The following ASB1 variants were observed in gnomAD, a reference collection of about 807,000 sequenced individuals.
ASB1 encodes the protein ankyrin repeat and SOCS box containing 1.
Under a neutral mutation model 27.7 loss-of-function variants are expected in ASB1, and 18 were observed. The ratio of observed to expected loss-of-function variants is 0.65; its 90% confidence interval spans 0.45 to 0.96. The LOEUF (loss-of-function observed/expected upper bound fraction) is 0.96, where lower values mean the gene tolerates loss of function less well. Ranked by LOEUF, ASB1 falls within the 50% of genes least tolerant of loss-of-function variation. The pLI, the probability that ASB1 is intolerant of heterozygous loss-of-function variation, is 0.00. For synonymous variants in ASB1, 189 were observed against 187.6 expected (o/e 1.01, Z -0.06); for missense variants, 397 against 451.7 (o/e 0.88, Z 1.10).
chr2:238,434,186 T>C (rs1701923928), intron 2 of ASB1, among the ~76,000 whole-genome samples: 1 of 152,236 alleles, frequency 6.6e-6, no homozygotes, highest in Non-Finnish European at 1.5e-5. Flanking sequence ...AGCCTTCTCC[T>C]TTCTGTTCCC....
In ASB1 at chr2:238,444,483, C is replaced by T. The variant is rs1702138971; in HGVS notation, c.636C>T (p.Leu212=). Residue 212 remains leucine (L), a synonymous_variant, in exon 4 of 5, where the codon CTC becomes CTT. Transcript: ENST00000264607. ...YHNLQCFRLL[L]LAGANPDFNC... is the part of the protein sequence containing the mutation. The stretch of plus-strand genomic sequence containing the variant: ...ACCTCCAGTGCTTCCGGCTGCTCCT[C>T]CTGGCTGGCGCGAACCCTGACTTCA... 1.2e-6 allele frequency: 2 copies of T among 1,614,104 alleles called. No individual in the cohort carries two copies. The highest frequency in any genetic ancestry group is 1.7e-5 in the Admixed American group (1 of 60,010).
intron 4 of ASB1, among the ~76,000 whole-genome samples, chr2:238,445,897 G>T (rs1226136176): frequency 2.0e-5 from 3 of 152,222 alleles, no homozygotes; most frequent in Non-Finnish European, 4.4e-5. Context: ...CGCTAATCGA[G>T]ACAGAACTTG....
Position 238,435,754 on chromosome 2 carries a change from T to G in ASB1, c.235T>G (p.Cys79Gly). Residue 79 changes from cysteine (C) to glycine (G), a missense_variant, in exon 3 of 5, where the codon TGC becomes GGC. Transcript: ENST00000264607. ...TGTCTGGTGCTGTGGCTGGCTCCCCTGCACACCGTTGCGAATCGCGGCCAC... is the reference window on the plus strand; with the variant it reads ...TGTCTGGTGCTGTGGCTGGCTCCCCGGCACACCGTTGCGAATCGCGGCCAC... The part of the protein sequence containing the change: ...KSVWCCGWLP[C>G]TPLRIAATAG... The G allele has an allele frequency of 6.2e-7, 1 of 1,614,020 alleles. No homozygotes were observed. Among genetic ancestry groups the G allele is most frequent in the South Asian group, 1.1e-5 (1 of 91,076 alleles).
In ASB1 at chr2:238,448,602, C is replaced by T. The variant is rs1032335379; in HGVS notation, c.*2091C>T. ...CTGCGTCTGCTCTACTGAGTACTTT[C>T]TGCAGGGGCCTGTTAAGGACGAGGC... On this transcript the variant is annotated 3_prime_UTR_variant, in exon 5 of 5. Transcript: ENST00000264607. The T allele has an allele frequency of 2.0e-5, 3 of 152,296 alleles. No homozygotes were observed. The highest frequency in any genetic ancestry group is 4.4e-5 in the Non-Finnish European group (3 of 68,094). 9.4% of individuals were successfully genotyped at this position (152,296 alleles called of 1,614,324 possible).
Position 238,435,660 on chromosome 2 carries a change from G to A in ASB1, c.192-51G>A, listed in dbSNP as rs112486142. 3.9e-3 allele frequency: 6,069 copies of A among 1,549,372 alleles called. 214 individuals carry two copies. The African/African-American group carries it at 0.072, about 18-fold the overall frequency. ...CAGGGTGAGGGGGGCAGTGCAGCCC[G>A]TCCCTGTCCTGCGGCTGCCTCTCAT... On this transcript the variant is annotated intron_variant, in intron 2 of 4. Transcript: ENST00000264607.
At chr2:238,429,257 TCA>T (rs1307051384) in intron 1 of ASB1, among the ~76,000 whole-genome samples, 7 of 152,336 alleles carry the variant, frequency 4.6e-5, no homozygotes, top group African/African-American at 1.7e-4. Context: ...CTGTCTGGTC[TCA>T]CACTAGGACA....
Position 238,427,097 on chromosome 2 carries a change from G to T in ASB1, c.27G>T (p.Gly9=), listed in dbSNP as rs1045801369. The part of the protein sequence containing the change: MAEGGSPD[G]RAGPGSAGRN... Reference sequence around the variant, plus strand: ...TGGCGGAGGGCGGCAGCCCAGACGGGCGGGCAGGGCCGGGCTCCGCAGGTA... The same window carrying T: ...TGGCGGAGGGCGGCAGCCCAGACGGTCGGGCAGGGCCGGGCTCCGCAGGTA... Residue 9 remains glycine (G), a synonymous_variant, in exon 1 of 5, where the codon GGG becomes GGT. Transcript: ENST00000264607. 99 of 1,261,196 alleles carry T rather than the reference G, an allele frequency of 7.8e-5. 1 individual carries two copies. The highest frequency in any genetic ancestry group is 9.5e-5 in the Non-Finnish European group (95 of 1,004,294). 78.1% of individuals were successfully genotyped at this position (1,261,196 alleles called of 1,614,324 possible).
Position 238,446,538 on chromosome 2 carries a change from T to G in ASB1, c.*27T>G. On this transcript the variant is annotated 3_prime_UTR_variant, in exon 5 of 5. Transcript: ENST00000264607. ...CTCCAAGTGCTGCGGTTGATTCCAG[T>G]GAGGGAGAAAGTGATCTGCAGGGAG... 1 of 1,611,568 alleles carries G rather than the reference T, an allele frequency of 6.2e-7. No individual in the cohort carries two copies. The highest frequency in any genetic ancestry group is 8.5e-7 in the Non-Finnish European group (1 of 1,179,694).
At position 238,449,163 on chromosome 2, in the gene ASB1, C is replaced by T. The variant is rs570211098; in HGVS notation, c.*2652C>T. Reference sequence around the variant, plus strand: ...ACAGGGTGGGTAGCTAAGGTCATTCCTCCTGGGTTTTAGTGGCATTGCCTT... The same window carrying T: ...ACAGGGTGGGTAGCTAAGGTCATTCTTCCTGGGTTTTAGTGGCATTGCCTT... On this transcript the variant is annotated 3_prime_UTR_variant, in exon 5 of 5. Coordinates refer to ENST00000264607, the MANE Select transcript of ASB1 (RefSeq NM_001040445.3). The T allele has an allele frequency of 1.3e-5, 2 of 152,388 alleles. No individual in the cohort carries two copies. Among genetic ancestry groups the T allele is most frequent in the South Asian group, 2.1e-4 (1 of 4,832 alleles). The allele number at this position is 152,388 out of a possible 1,614,324, so 9.4% of individuals were successfully genotyped here. A position where few individuals can be genotyped will look rare whatever the true frequency, so the allele number is the denominator to read the frequency against.
intron 2 of ASB1, 146 bp from the exon 3 acceptor site, chr2:238,435,565 T>C: frequency 1.2e-6 from 1 of 815,986 alleles, no homozygotes; most frequent in Non-Finnish European, 1.9e-6. Context: ...GGGAAAGGTG[T>C]GAGAGCATTT....
At chr2:238,445,610 C>T (rs1250059540) in intron 4 of ASB1, among the ~76,000 whole-genome samples, 1 of 152,208 alleles carries the variant, frequency 6.6e-6, no homozygotes, top group Non-Finnish European at 1.5e-5. Context: ...CAGACATTGA[C>T]CTCATGTGTT....
At chr2:238,436,034 C>T (rs770152431) in intron 3 of ASB1, 21 bp downstream of exon 3, 1 of 1,551,750 alleles carries the variant, frequency 6.4e-7, no homozygotes, top group Middle Eastern at 1.7e-4. Flanking sequence ...TGGAGCTCGC[C>T]TGGCTCCTGC....
In ASB1 at chr2:238,435,815, G is replaced by A. The variant is rs1031302620; in HGVS notation, c.296G>A (p.Arg99Gln). 9.9e-6 allele frequency: 16 copies of A among 1,614,128 alleles called. No individual in the cohort carries two copies. The highest frequency in any genetic ancestry group is 1.4e-5 in the Non-Finnish European group (16 of 1,180,044). ...GGGAGCTGTGTGGACTTCCTCATCC[G>A]GAAGGGGGCCGAGGTGGATCTGGTG... is the stretch of plus-strand genomic sequence containing the variant. ...GHGSCVDFLIRKGAEVDLVDV... is the reference protein window; with the variant it reads ...GHGSCVDFLIQKGAEVDLVDV... The change falls in exon 3 of 5, where the codon CGG becomes CAG. Residue 99 changes from arginine (R) to glutamine (Q), a missense_variant. Coordinates refer to ENST00000264607, the MANE Select transcript of ASB1 (RefSeq NM_001040445.3).
At chr2:238,437,501 A>G (rs934096580) in intron 3 of ASB1, among the ~76,000 whole-genome samples, 8 of 150,526 alleles carry the variant, frequency 5.3e-5, no homozygotes, top group African/African-American at 1.7e-4. Context: ...AAGTGCTGGT[A>G]TTACAGGCGT....
Position 238,447,126 on chromosome 2 carries a change from A to G in ASB1, c.*615A>G, listed in dbSNP as rs1484856302. ...TCCTGGCTGCACGGCACCTGTTCCA[A>G]CACCTACTGTGCCTCTCATCAGGTG... is the stretch of plus-strand genomic sequence containing the variant. On this transcript the variant is annotated 3_prime_UTR_variant, in exon 5 of 5. Coordinates refer to ENST00000264607, the MANE Select transcript of ASB1 (RefSeq NM_001040445.3). 2 of 153,806 alleles carry G rather than the reference A, an allele frequency of 1.3e-5. No individual in the cohort carries two copies. Among genetic ancestry groups the G allele is most frequent in the African/African-American group, 2.4e-5 (1 of 41,370 alleles). The allele number at this position is 153,806 out of a possible 1,614,324, so 9.5% of individuals were successfully genotyped here.
chr2:238,446,575 G>T lies in ASB1; in HGVS notation c.*64G>T. On this transcript the variant is annotated 3_prime_UTR_variant, in exon 5 of 5. Transcript: ENST00000264607. Reference sequence around the variant, plus strand: ...TGATCTGCAGGGAGGTGGACACCGAGCCCTGAGTGCTGTGCTGCTGCTGGT... The same window carrying T: ...TGATCTGCAGGGAGGTGGACACCGATCCCTGAGTGCTGTGCTGCTGCTGGT... 6.3e-7 allele frequency: 1 copy of T among 1,588,510 alleles called. No homozygotes were observed.
chr2:238,443,712 A>G (rs186852478), intron 3 of ASB1, among the ~76,000 whole-genome samples: 1 of 150,020 alleles, frequency 6.7e-6, no homozygotes, highest in East Asian at 1.9e-4. Flanking sequence ...TTAAACATGC[A>G]TAGCTCTTGA....
In ASB1 at chr2:238,446,521, G is replaced by C. The variant is rs754594158; in HGVS notation, c.*10G>C. On this transcript the variant is annotated 3_prime_UTR_variant, in exon 5 of 5. Transcript: ENST00000264607. ...TCTACTCCATGAGTAGACTCCAAGT[G>C]CTGCGGTTGATTCCAGTGAGGGAGA... 6.2e-7 allele frequency: 1 copy of C among 1,613,176 alleles called. No individual in the cohort carries two copies. Among genetic ancestry groups the C allele is most frequent in the Non-Finnish European group, 8.5e-7 (1 of 1,179,966 alleles).
In ASB1 at chr2:238,442,835, A is replaced by G. The variant is rs1702105617; in HGVS notation, c.495-1507A>G. 2.0e-5 allele frequency among the ~76,000 whole-genome samples: 3 copies of G among 152,336 alleles called. No individual in the cohort carries two copies. In the South Asian group the frequency reaches 6.2e-4, roughly 32 times the overall value. On this transcript the variant is annotated intron_variant, in intron 3 of 4. Coordinates refer to ENST00000264607, the MANE Select transcript of ASB1 (RefSeq NM_001040445.3). ...CCTTGTTTGAGATACTGCCTTTATC[A>G]TATATGAAATTTCTATGTGCAATTT...
Sources: gnomAD v4.1 joint callset for allele counts (sites outside exome capture counted in the v4.1 genomes callset) on GRCh38, gnomAD v4.1.1 for gene constraint, MANE v1.5 for transcripts, NCBI Gene and HGNC (gene_info 2026-07-23, HGNC 2026-07-21) for gene names.